DYSF: variants seen among roughly 807,000 people sequenced by gnomAD.
DYSF encodes the protein dystrophy-associated fer-1-like 1.
Under a neutral mutation model 274.9 loss-of-function variants are expected in DYSF, and 212 were observed. The ratio of observed to expected loss-of-function variants is 0.77; its 90% confidence interval spans 0.69 to 0.86. The LOEUF (loss-of-function observed/expected upper bound fraction) is 0.86, where lower values mean the gene tolerates loss of function less well. DYSF is among the 40% of genes least tolerant of loss of function. The pLI is 0.00. For missense variants in DYSF, 2,666 were observed against 2,783.2 expected, an observed-to-expected ratio of 0.96 and a Z score of 0.95; for synonymous variants, 1,091 against 1,078.7, an observed-to-expected ratio of 1.01 and a Z score of -0.22.
intron 26 of DYSF, among the ~76,000 whole-genome samples, chr2:71,569,557 C>G (rs1448077806): frequency 3.9e-5 from 6 of 152,196 alleles, no homozygotes; most frequent in Non-Finnish European, 8.8e-5. Context: ...ACTGCCCATC[C>G]TCCTTTTGCT....
At chr2:71,550,883 G>A (rs1187442699) in intron 17 of DYSF, among the ~76,000 whole-genome samples, 158 bp from the exon 18 acceptor site, 3 of 152,320 alleles carry the variant, frequency 2.0e-5, no homozygotes, top group East Asian at 1.9e-4. Flanking sequence ...GAGAGCTATC[G>A]CTCGTGGCGT....
At chr2:71,464,268 C>T (rs758669009), upstream of DYSF, among the ~76,000 whole-genome samples, 2 of 152,186 alleles carry the variant, frequency 1.3e-5, no homozygotes, top group South Asian at 2.1e-4. Context: ...ATGCTTTGCA[C>T]CAGGTGCTGT....
intron 42 of DYSF, among the ~76,000 whole-genome samples, chr2:71,650,822 A>G (rs1347674311): frequency 1.3e-5 from 2 of 152,224 alleles, no homozygotes; most frequent in African/African-American, 2.4e-5. Context: ...CAGAACATCT[A>G]GGAAACAGTG....
At chr2:71,537,786 A>C (rs201261493) in intron 16 of DYSF, among the ~76,000 whole-genome samples, 1 of 152,138 alleles carries the variant, frequency 6.6e-6, no homozygotes, top group African/African-American at 2.4e-5. Flanking sequence ...GCCTTTCACA[A>C]TGGGGCTGGG....
rs2087159593 is a variant in DYSF, at chr2:71,520,667, A to G, written c.1034-122A>G. On this transcript the variant is annotated intron_variant, in intron 11 of 55. Transcript: ENST00000410020. The stretch of plus-strand genomic sequence containing the variant: ...TTTTGATTCTAGAATCTGAGTCCTG[A>G]GCTCATGGCCCAGCGGATGAGTCCT... 20 of 820,368 alleles carry G rather than the reference A, an allele frequency of 2.4e-5. No homozygotes were observed. The South Asian group carries it at 2.7e-4, about 11-fold the overall frequency. The allele number at this position is 820,368 out of a possible 1,614,324, so 50.8% of individuals were successfully genotyped here.
intron 47 of DYSF, among the ~76,000 whole-genome samples, chr2:71,666,098 G>T (rs1011867049): frequency 2.6e-5 from 4 of 151,582 alleles, no homozygotes; most frequent in African/African-American, 9.7e-5. Flanking sequence ...GCTGAGCCAG[G>T]CTCGGCCATA....
chr2:71,514,578 AT>A (rs546780556), intron 7 of DYSF, among the ~76,000 whole-genome samples: 36 of 148,926 alleles, frequency 2.4e-4, no homozygotes, highest in Admixed American at 6.0e-4. Flanking sequence ...TCCTTTGCCT[AT>A]TTTTTTTTTC....
intron 44 of DYSF, 151 bp from the exon 45 acceptor site, chr2:71,660,409 G>A (rs2094857072): frequency 1.4e-6 from 1 of 701,564 alleles, no homozygotes; most frequent in Non-Finnish European, 2.6e-6. Context: ...GGTGTGGTGT[G>A]TGGGAGGGGG....
chr2:71,552,962 G>A, intron 19 of DYSF, 49 bp from the exon 20 acceptor site: 2 of 1,604,128 alleles, frequency 1.2e-6, no homozygotes, highest in South Asian at 2.2e-5. Context: ...CAGCCTGGGT[G>A]CCTTTCTTTG....
At chr2:71,664,795 G>T (rs1397707780) in intron 46 of DYSF, among the ~76,000 whole-genome samples, 1 of 152,198 alleles carries the variant, frequency 6.6e-6, no homozygotes, top group African/African-American at 2.4e-5. Flanking sequence ...CAGATGAGAG[G>T]ACATGTGTGC....
chr2:71,522,960 C>T (rs1212724438), intron 12 of DYSF, among the ~76,000 whole-genome samples: 2 of 152,150 alleles, frequency 1.3e-5, no homozygotes, highest in Non-Finnish European at 2.9e-5. Flanking sequence ...GTTTGAGGTC[C>T]AGCTCCCACT....
chr2:71,665,278 A>T lies in DYSF; in HGVS notation c.5291A>T (p.Asp1764Val). The change falls in exon 47 of 56, where the codon GAT becomes GTT. Residue 1764 changes from aspartate (D) to valine (V), a missense_variant. Transcript: ENST00000410020. ...CGGACAGACCGTGTAATGTTTCAGG[A>T]TAAAGAATATTCCATTGAAGAGATA... ...VYRTDRVMFQ[D>V]KEYSIEEIEA... The T allele has an allele frequency of 6.2e-7, 1 of 1,614,148 alleles. No homozygotes were observed. Among genetic ancestry groups the T allele is most frequent in the Non-Finnish European group, 8.5e-7 (1 of 1,180,022 alleles).
chr2:71,603,920 G>C (rs2093601026), intron 36 of DYSF, among the ~76,000 whole-genome samples: 1 of 152,188 alleles, frequency 6.6e-6, no homozygotes, highest in African/African-American at 2.4e-5. Context: ...AGATTCCGAG[G>C]GCAGGGATCT....
chr2:71,607,006 A>G (rs1003624238), intron 36 of DYSF, among the ~76,000 whole-genome samples: 39 of 152,300 alleles, frequency 2.6e-4, no homozygotes, highest in African/African-American at 8.7e-4. Context: ...GGACGGGGGA[A>G]TTCAGCTATG....
intron 21 of DYSF, among the ~76,000 whole-genome samples, chr2:71,554,727 G>T (rs1280775305): frequency 1.3e-5 from 2 of 152,214 alleles, no homozygotes; most frequent in Non-Finnish European, 2.9e-5. Context: ...CTGGGGAGAA[G>T]AGCAGAGCAT....
At chr2:71,516,690 AGCCTAGTGGCTC>A (rs2152736189) in intron 9 of DYSF, among the ~76,000 whole-genome samples, 1 of 152,308 alleles carries the variant, frequency 6.6e-6, no homozygotes, top group Admixed American at 6.5e-5. Context: ...AGCGCACTGC[AGCCTAGTGGCTC>A]TAAGTGTAGG....
upstream of DYSF, among the ~76,000 whole-genome samples, chr2:71,464,950 T>C (rs933118550): frequency 1.3e-4 from 20 of 151,898 alleles, no homozygotes; most frequent in Non-Finnish European, 2.5e-4. Flanking sequence ...GATTTGCAGT[T>C]TTGGTGACCT....
At chr2:71,614,098 C>T (rs1454270320) in intron 40 of DYSF, among the ~76,000 whole-genome samples, 5 of 152,122 alleles carry the variant, frequency 3.3e-5, no homozygotes, top group African/African-American at 7.2e-5. Context: ...TGAGGGGCAG[C>T]GCTCCCCCGA....
Position 71,481,907 on chromosome 2 carries a change from C to T in DYSF, c.176C>T (p.Pro59Leu), listed in dbSNP as rs566595009. 3.3e-5 allele frequency: 54 copies of T among 1,614,150 alleles called. No homozygotes were observed. The South Asian group carries it at 5.8e-4, about 17-fold the overall frequency. Residue 59 changes from proline to leucine, a missense_variant, in exon 3 of 56, where the codon CCC (proline) becomes CTC (leucine). Physicochemically the swap from Pro to Leu is moderately conservative, Grantham distance 98. Coordinates refer to ENST00000410020, the MANE Select transcript of DYSF (RefSeq NM_001130987.2). ...TTTGAATGGGACCTCAAGGGCATCC[C>T]CCTGGACCAGGGCTCTGAGCTTCAT... ...EGFEWDLKGI[P>L]LDQGSELHVV...
Sources: gnomAD v4.1 joint callset for allele counts (sites outside exome capture counted in the v4.1 genomes callset) on GRCh38, gnomAD v4.1.1 for gene constraint, MANE v1.5 for transcripts, NCBI Gene and HGNC (gene_info 2026-07-23, HGNC 2026-07-21) for gene names.